Variants in POLQ observed in about 807,000 individuals in gnomAD.
POLQ encodes the protein DNA polymerase theta.
POLQ carries 233 observed loss-of-function variants against 259.2 expected under a neutral mutation model. That is an observed-to-expected ratio of 0.90 (90% CI 0.81 to 1.00). The LOEUF (loss-of-function observed/expected upper bound fraction) is 1.00. Among genes scored for constraint, POLQ ranks in the 50% least tolerant of loss-of-function variants. The pLI, the probability that POLQ is intolerant of heterozygous loss-of-function variation, is 0.00. For synonymous variants in POLQ, 1,025 were observed against 1,048.8 expected (o/e 0.98, Z 0.44); for missense variants, 2,871 against 3,051.6 (o/e 0.94, Z 1.39).
chr3:121,539,337 G>C, intron 4 of POLQ, 96 bp downstream of exon 4: 2 of 944,556 alleles, frequency 2.1e-6, no homozygotes, highest in South Asian at 3.3e-5. Context: ...ATAGACAATA[G>C]GAAAACAAAT....
In POLQ at chr3:121,467,531, C is replaced by A; in HGVS notation, c.6955G>T (p.Val2319Leu). Residue 2319 changes from valine (V) to leucine (L), a missense_variant, in exon 24 of 30, where the codon GTG (valine) becomes TTG (leucine). Physicochemically the swap from Val to Leu is conservative, Grantham distance 32. Coordinates refer to ENST00000264233, the MANE Select transcript of POLQ (RefSeq NM_199420.4). ...TCAGCCACCTTACCTGGGAAAGGCA[C>A]AAAGGCATGTCGCATGCTAATTGAA... ...PFSISMRHAFVPFPGGSILAA... is the reference protein window; with the variant it reads ...PFSISMRHAFLPFPGGSILAA... The A allele has an allele frequency of 6.2e-7, 1 of 1,613,882 alleles. No individual in the cohort carries two copies. The highest frequency in any genetic ancestry group is 8.5e-7 in the Non-Finnish European group (1 of 1,179,866).
chr3:121,432,976 A>G lies in POLQ; in HGVS notation c.7601T>C (p.Phe2534Ser). Reference sequence around the variant, plus strand: ...GAGTTCATCATGGAGTTGAAGGATGAAGAAGCCTCCTCTGATTGGGCAGAA... The same window carrying G: ...GAGTTCATCATGGAGTTGAAGGATGGAGAAGCCTCCTCTGATTGGGCAGAA... ...GMFCPIRGGF[F>S]ILQLHDELLY... Residue 2534 changes from phenylalanine (F) to serine (S), a missense_variant, in exon 29 of 30, where the codon TTC becomes TCC. Transcript: ENST00000264233. The G allele has an allele frequency of 6.2e-7, 1 of 1,612,908 alleles. No individual in the cohort carries two copies. Among genetic ancestry groups the G allele is most frequent in the Non-Finnish European group, 8.5e-7 (1 of 1,178,922 alleles).
chr3:121,517,624 A>G (rs1364282112), intron 9 of POLQ, among the ~76,000 whole-genome samples: 1 of 152,232 alleles, frequency 6.6e-6, no homozygotes, highest in Non-Finnish European at 1.5e-5. Context: ...GAGAAATACT[A>G]TGTGCAACTT....
At chr3:121,545,434 G>A (rs1428364314) in intron 1 of POLQ, among the ~76,000 whole-genome samples, 2 of 152,148 alleles carry the variant, frequency 1.3e-5, no homozygotes. Context: ...CCAGGAACGA[G>A]CCGCCCAACA....
In POLQ at chr3:121,488,423, T is replaced by C. The variant is rs138749186; in HGVS notation, c.4508A>G (p.Gln1503Arg). 43 of 1,612,982 alleles carry C rather than the reference T, an allele frequency of 2.7e-5. No homozygotes were observed. Among genetic ancestry groups the C allele is most frequent in the Middle Eastern group, 1.6e-4 (1 of 6,076 alleles). The part of the protein sequence containing the change: ...SFSDDYLVKE[Q>R]LPDMQMKEPL... The stretch of plus-strand genomic sequence containing the variant: ...TTCTTTCATTTGCATATCAGGTAAT[T>C]GTTCTTTTACTAGATAGTCATCACT... The change falls in exon 16 of 30, where the codon CAA (glutamine) becomes CGA (arginine). Residue 1503 changes from glutamine to arginine, a missense_variant. Transcript: ENST00000264233.
chr3:121,505,080 C>T (rs1441003454), intron 12 of POLQ, among the ~76,000 whole-genome samples: 1 of 152,152 alleles, frequency 6.6e-6, no homozygotes, highest in African/African-American at 2.4e-5. Context: ...TTAACACCAC[C>T]CCACTTGGTG....
At chr3:121,515,518 G>A (rs1050173135) in intron 9 of POLQ, among the ~76,000 whole-genome samples, 1 of 152,208 alleles carries the variant, frequency 6.6e-6, no homozygotes, top group Non-Finnish European at 1.5e-5. Flanking sequence ...CCTGACTGCA[G>A]AGCTCAGCTT....
At chr3:121,471,235 C>T (rs998198991) in intron 22 of POLQ, among the ~76,000 whole-genome samples, 3 of 152,066 alleles carry the variant, frequency 2.0e-5, no homozygotes, top group African/African-American at 7.2e-5. Context: ...AAGGACTCTA[C>T]AGCTTTCTTT....
chr3:121,541,587 A>G (rs2108822403), intron 2 of POLQ, 108 bp from the exon 3 acceptor site: 1 of 933,688 alleles, frequency 1.1e-6, no homozygotes, highest in Non-Finnish European at 1.6e-6. Flanking sequence ...AAGGCTAACC[A>G]ATCACTAAGG....
chr3:121,482,692 T>C (rs749124827), intron 18 of POLQ, among the ~76,000 whole-genome samples: 6 of 152,112 alleles, frequency 3.9e-5, no homozygotes, highest in Non-Finnish European at 7.4e-5. Flanking sequence ...AGTCCTGTAG[T>C]TTCTAATACT....
chr3:121,493,260 C>A (rs1014748018), intron 15 of POLQ, among the ~76,000 whole-genome samples: 1 of 151,676 alleles, frequency 6.6e-6, no homozygotes, highest in Non-Finnish European at 1.5e-5. Flanking sequence ...CGAGATCGCA[C>A]CATTGCACTC....
rs778778631 is a variant in POLQ at position 121,459,369 on chromosome 3, A to ATG, written c.7152+680_7152+681insCA. 8.7e-3 allele frequency among the ~76,000 whole-genome samples: 916 copies of ATG among 104,758 alleles called. 13 individuals carry two copies. Among genetic ancestry groups the ATG allele is most frequent in the African/African-American group, 0.031 (886 of 28,808 alleles). The allele number at this position is 104,758 out of a possible 152,430, so 68.7% of individuals were successfully genotyped here. A position where few individuals can be genotyped will look rare whatever the true frequency, so the allele number is the denominator to read the frequency against. On this transcript the variant is annotated intron_variant, in intron 25 of 29. Coordinates refer to ENST00000264233, the MANE Select transcript of POLQ (RefSeq NM_199420.4). ...CTCAGAACACTTACAGACTAGAAAG[A>ATG]TTTTTTTTTTTTTTTTTTTTTTTGT...
chr3:121,443,845 C>CCA (rs1030007201), intron 26 of POLQ, among the ~76,000 whole-genome samples: 1 of 152,142 alleles, frequency 6.6e-6, no homozygotes, highest in Non-Finnish European at 1.5e-5. Flanking sequence ...AAGAGACTGT[C>CCA]TTTTCCCCAG....
At chr3:121,514,554 G>A (rs2048281262) in intron 9 of POLQ, among the ~76,000 whole-genome samples, 1 of 152,040 alleles carries the variant, frequency 6.6e-6, no homozygotes, top group Admixed American at 6.6e-5. Flanking sequence ...TCTACAGTGG[G>A]AAAAGAAAAC....
intron 25 of POLQ, among the ~76,000 whole-genome samples, chr3:121,451,408 T>A (rs934565101): frequency 6.6e-6 from 1 of 152,238 alleles, no homozygotes; most frequent in Non-Finnish European, 1.5e-5. Flanking sequence ...TTTTTCCCCA[T>A]CTTAGTGGTT....
At chr3:121,442,314 CTT>C (rs1348597441) in intron 26 of POLQ, among the ~76,000 whole-genome samples, 2 of 152,168 alleles carry the variant, frequency 1.3e-5, no homozygotes, top group South Asian at 2.1e-4. Flanking sequence ...CAATTATACT[CTT>C]TTAGTCATCT....
rs549844626 is a variant in POLQ, at chr3:121,489,159, C to A, written c.3772G>T (p.Asp1258Tyr). ...CTGGGTATCACAGTTCTGCTTATAT[C>A]ATCTCCTAATGCCTGAAAATGACTT... is the stretch of plus-strand genomic sequence containing the variant. ...KPSHFQALGD[D>Y]ISRTVIPSEV... is the part of the protein sequence containing the mutation. Residue 1258 changes from aspartate to tyrosine, a missense_variant, in exon 16 of 30, where the codon GAT becomes TAT. Physicochemically the swap from Asp to Tyr is radical, Grantham distance 160. Around this residue, in one of 3 missense-constraint regions of POLQ, gnomAD observed 2,080 missense variants for 2,126.0 expected, o/e 0.98. Transcript: ENST00000264233. The A allele has an allele frequency of 1.2e-6, 2 of 1,613,538 alleles. No individual in the cohort carries two copies. Among genetic ancestry groups the A allele is most frequent in the South Asian group, 1.1e-5 (1 of 90,890 alleles).
intron 25 of POLQ, 111 bp downstream of exon 25, chr3:121,459,939 A>C (rs1207907563): frequency 1.8e-5 from 15 of 812,294 alleles, no homozygotes; most frequent in Non-Finnish European, 3.1e-5. Flanking sequence ...GCTTTGAAAG[A>C]TCCAAAGTTG....
At chr3:121,519,709 A>C (rs2048324644) in intron 9 of POLQ, among the ~76,000 whole-genome samples, 162 bp downstream of exon 9, 1 of 151,460 alleles carries the variant, frequency 6.6e-6, no homozygotes, top group East Asian at 1.9e-4. Flanking sequence ...ATTATAACTC[A>C]TACTCACTAT....
Sources: gnomAD v4.1 joint callset for allele counts (sites outside exome capture counted in the v4.1 genomes callset) on GRCh38, gnomAD v4.1.1 for gene constraint, gnomAD v4.1.1 regional missense constraint, MANE v1.5 for transcripts, NCBI Gene and HGNC (gene_info 2026-07-23, HGNC 2026-07-21) for gene names.